Variants in NRG3 observed in about 807,000 individuals in gnomAD.
NRG3 encodes the protein neuregulin 3, also known as pro-neuregulin-3, membrane-bound isoform.
Under a neutral mutation model 66.9 loss-of-function variants are expected in NRG3, and 31 were observed. The observed-to-expected ratio is 0.46, with a 90% CI of 0.35 to 0.63. NRG3 has a LOEUF of 0.63. NRG3 is among the 20% of genes least tolerant of loss of function. NRG3 has a pLI of 0.00. For missense variants in NRG3, 910 were observed against 878.9 expected (o/e 1.04, Z -0.45); for synonymous variants, 393 against 359.4 (o/e 1.09, Z -1.06).
At position 81,980,503 on chromosome 10, in the gene NRG3, A is replaced by C. The variant is rs188752018; in HGVS notation, c.823+104340A>C. Among the ~76,000 whole-genome samples the C allele has an allele frequency of 3.9e-3, 598 of 152,288 alleles. 4 individuals are homozygous for C. Among genetic ancestry groups the C allele is most frequent in the Non-Finnish European group, 6.8e-3 (460 of 68,032 alleles). ...TTACTATTTAAACCATGACTTTGAGATGCTATATTTTAAGAATGAAAAAGA... is the reference window on the plus strand; with the variant it reads ...TTACTATTTAAACCATGACTTTGAGCTGCTATATTTTAAGAATGAAAAAGA... On this transcript the variant is annotated intron_variant, in intron 1 of 8. Coordinates refer to ENST00000372141, the MANE Select transcript of NRG3 (RefSeq NM_001010848.4).
chr10:82,042,195 T>A (rs1022568973), intron 1 of NRG3, among the ~76,000 whole-genome samples: 21 of 151,990 alleles, frequency 1.4e-4, no homozygotes, highest in Non-Finnish European at 2.4e-4. Flanking sequence ...CAGAATTTTT[T>A]TAAAAAAATT....
chr10:82,555,747 T>C (rs1266760305), intron 2 of NRG3, among the ~76,000 whole-genome samples: 1 of 152,196 alleles, frequency 6.6e-6, no homozygotes, highest in Admixed American at 6.6e-5. Flanking sequence ...TATCCCTTCT[T>C]TCTGTTGAAA....
chr10:82,474,644 T>C (rs771154117), intron 2 of NRG3, among the ~76,000 whole-genome samples: 5 of 152,050 alleles, frequency 3.3e-5, no homozygotes, highest in Non-Finnish European at 5.9e-5. Context: ...AGGGGACCAA[T>C]GTATGTACTA....
intron 1 of NRG3, among the ~76,000 whole-genome samples, chr10:82,296,181 A>G (rs1281823650): frequency 6.6e-6 from 1 of 152,160 alleles, no homozygotes; most frequent in Non-Finnish European, 1.5e-5. Context: ...GGGGTGTGGT[A>G]AATGTAAAGT....
At chr10:82,407,643 G>C (rs890933627) in intron 2 of NRG3, among the ~76,000 whole-genome samples, 2 of 152,156 alleles carry the variant, frequency 1.3e-5, no homozygotes, top group African/African-American at 4.8e-5. Flanking sequence ...GTGGACAGCT[G>C]ATCACTGTTA....
intron 1 of NRG3, among the ~76,000 whole-genome samples, chr10:81,986,924 C>T (rs1458541525): frequency 6.6e-6 from 1 of 152,096 alleles, no homozygotes; most frequent in Middle Eastern, 3.2e-3. Flanking sequence ...TTAAGTAATC[C>T]TCCCACCTTG....
chr10:82,733,539 G>C (rs2058020457), intron 2 of NRG3, among the ~76,000 whole-genome samples: 1 of 152,146 alleles, frequency 6.6e-6, no homozygotes, highest in African/African-American at 2.4e-5. Flanking sequence ...TGTTGACTGG[G>C]CTATCTATGT....
intron 1 of NRG3, chr10:81,877,948 A>C (rs1333344502): frequency 1.1e-5 from 17 of 1,537,620 alleles, no homozygotes; most frequent in Non-Finnish European, 1.4e-5. Context: ...CTTTTGATGC[A>C]GTTGATAGAA....
intron 4 of NRG3, among the ~76,000 whole-genome samples, chr10:82,868,777 C>A (rs1256430961): frequency 6.6e-6 from 1 of 152,238 alleles, no homozygotes; most frequent in Admixed American, 6.5e-5. Context: ...ATTGCAACCT[C>A]CGCCTCCCAA....
intron 1 of NRG3, among the ~76,000 whole-genome samples, chr10:82,122,391 T>G (rs1299243807): frequency 6.6e-6 from 1 of 152,150 alleles, no homozygotes; most frequent in Non-Finnish European, 1.5e-5. Flanking sequence ...CACAGATGCA[T>G]GAGTTAGCAT....
intron 1 of NRG3, among the ~76,000 whole-genome samples, chr10:81,956,637 A>G (rs1402563024): frequency 6.6e-6 from 1 of 151,748 alleles, no homozygotes; most frequent in Non-Finnish European, 1.5e-5. Flanking sequence ...GAACACCATC[A>G]CCTCTTGCCT....
intron 4 of NRG3, among the ~76,000 whole-genome samples, chr10:82,949,628 G>A (rs1451497250): frequency 6.6e-6 from 1 of 152,134 alleles, no homozygotes; most frequent in Non-Finnish European, 1.5e-5. Flanking sequence ...GCCGAGGCAG[G>A]CAGATCAGCT....
intron 1 of NRG3, among the ~76,000 whole-genome samples, chr10:82,349,439 C>T (rs566603285): frequency 3.6e-4 from 54 of 150,160 alleles, no homozygotes; most frequent in East Asian, 3.2e-3. Flanking sequence ...TCTCCAGCTG[C>T]GTACTGGGAG....
At chr10:82,351,191 G>A (rs1021848853) in intron 1 of NRG3, among the ~76,000 whole-genome samples, 2 of 152,158 alleles carry the variant, frequency 1.3e-5, no homozygotes, top group African/African-American at 2.4e-5. Flanking sequence ...ACTCGCACCC[G>A]GCCGTGTTAA....
chr10:82,979,064 A>C lies in NRG3; in HGVS notation c.1527A>C (p.Ala509=). 4 of 1,614,154 alleles carry C rather than the reference A, an allele frequency of 2.5e-6. No homozygotes were observed. Among genetic ancestry groups the C allele is most frequent in the Non-Finnish European group, 3.4e-6 (4 of 1,179,992 alleles). The change falls in exon 8 of 9, where the codon GCA becomes GCC. Residue 509 remains alanine (A), a synonymous_variant. Coordinates refer to ENST00000372141, the MANE Select transcript of NRG3 (RefSeq NM_001010848.4). The part of the protein sequence containing the change: ...RSRLGGIVGP[A]YQQLEESRIP... ...GGCTAGGTGGAATTGTGGGACCAGC[A>C]TATCAGCAACTCGAAGAATCAAGGA...
intron 2 of NRG3, among the ~76,000 whole-genome samples, chr10:82,387,322 A>G (rs1320169392): frequency 1.3e-5 from 2 of 152,096 alleles, no homozygotes; most frequent in Non-Finnish European, 2.9e-5. Flanking sequence ...CTTAAATTGT[A>G]TTTTCAAGGA....
chr10:81,995,469 C>G (rs371200720), intron 1 of NRG3, among the ~76,000 whole-genome samples: 1 of 152,096 alleles, frequency 6.6e-6, no homozygotes, highest in Non-Finnish European at 1.5e-5. Context: ...GGCAGCAACT[C>G]GAAACCCCTT....
chr10:82,551,477 A>G (rs1035125053), intron 2 of NRG3, among the ~76,000 whole-genome samples: 3 of 152,142 alleles, frequency 2.0e-5, no homozygotes, highest in Non-Finnish European at 4.4e-5. Context: ...TTACCCTACT[A>G]GTAATATGAT....
chr10:82,435,177 G>A (rs556722991), intron 2 of NRG3, among the ~76,000 whole-genome samples: 10 of 152,178 alleles, frequency 6.6e-5, no homozygotes, highest in Non-Finnish European at 1.3e-4. Flanking sequence ...TCTTGGTAGG[G>A]TGTATGCATC....
Sources: gnomAD v4.1 joint callset for allele counts (sites outside exome capture counted in the v4.1 genomes callset) on GRCh38, gnomAD v4.1.1 for gene constraint, MANE v1.5 for transcripts, NCBI Gene and HGNC (gene_info 2026-07-23, HGNC 2026-07-21) for gene names.